DNAJB6: variants seen among roughly 807,000 people sequenced by gnomAD.
The protein encoded by DNAJB6 is dnaJ homolog subfamily B member 6.
A neutral mutation model predicts 42.7 loss-of-function variants in DNAJB6; 16 were observed. The ratio of observed to expected loss-of-function variants is 0.37; its 90% CI spans 0.25 to 0.57. DNAJB6 has a LOEUF of 0.57. DNAJB6 is among the 20% of genes least tolerant of loss of function. The probability of loss-of-function intolerance (pLI) is 0.74; values close to 1 mark genes in which losing one functional copy is unlikely to be tolerated. For synonymous variants in DNAJB6, 170 were observed against 163.5 expected, an observed-to-expected ratio of 1.04 and a Z score of -0.30; for missense variants, 347 against 416.8, an observed-to-expected ratio of 0.83 and a Z score of 1.46.
chr7:157,409,184 A>G (rs1031418856), intron 8 of DNAJB6, among the ~76,000 whole-genome samples: 2 of 152,032 alleles, frequency 1.3e-5, no homozygotes, highest in Non-Finnish European at 1.5e-5. Flanking sequence ...CTGTATTTCA[A>G]AGATTAATAA....
chr7:157,402,652 G>A (rs1795577244), intron 8 of DNAJB6, among the ~76,000 whole-genome samples: 1 of 152,256 alleles, frequency 6.6e-6, no homozygotes, highest in Admixed American at 6.5e-5. Context: ...AGGAGAAGTA[G>A]CGATGTGTCT....
At chr7:157,402,500 T>C (rs1363361339) in intron 8 of DNAJB6, among the ~76,000 whole-genome samples, 1 of 152,196 alleles carries the variant, frequency 6.6e-6, no homozygotes, top group Non-Finnish European at 1.5e-5. Flanking sequence ...ATGTGTGCTT[T>C]GAGTCTGGCG....
At chr7:157,351,185 C>T (rs1033051536) in intron 1 of DNAJB6, among the ~76,000 whole-genome samples, 3 of 152,010 alleles carry the variant, frequency 2.0e-5, no homozygotes, top group South Asian at 2.1e-4. Context: ...CCGCCCCCCT[C>T]AGCCTGAGCC....
intron 1 of DNAJB6, among the ~76,000 whole-genome samples, chr7:157,355,936 G>A (rs565694269): frequency 1.3e-5 from 2 of 152,322 alleles, no homozygotes; most frequent in East Asian, 1.9e-4. Context: ...CCACACCCAC[G>A]TTCTCACCTC....
intron 8 of DNAJB6, among the ~76,000 whole-genome samples, chr7:157,399,294 G>C (rs78114073): frequency 0.012 from 1,807 of 152,302 alleles, 31 homozygotes; most frequent in East Asian, 0.063. Flanking sequence ...TGCCTAGAAG[G>C]GAGGTCTTTC....
At chr7:157,406,267 G>A (rs2117197103) in intron 8 of DNAJB6, among the ~76,000 whole-genome samples, 1 of 152,358 alleles carries the variant, frequency 6.6e-6, no homozygotes, top group South Asian at 2.1e-4. Flanking sequence ...GACTCCCCAG[G>A]TGATGCCAGG....
intron 8 of DNAJB6, among the ~76,000 whole-genome samples, chr7:157,400,375 T>TAGGGAGGTCTGAGCACGG (rs1554467485): frequency 5.3e-5 from 8 of 152,016 alleles, no homozygotes; most frequent in South Asian, 4.1e-4. Context: ...CGCTCGTGTG[T>TAGGGAGGTCTGAGCACGG]GGTGTGCCGT....
chr7:157,407,443 T>A (rs998509325), intron 8 of DNAJB6, among the ~76,000 whole-genome samples: 3 of 152,222 alleles, frequency 2.0e-5, no homozygotes, highest in Non-Finnish European at 2.9e-5. Context: ...TGTTCTACTT[T>A]AGTTGGCAAA....
chr7:157,387,351 A>G (rs1304279921), intron 8 of DNAJB6, among the ~76,000 whole-genome samples: 3 of 152,206 alleles, frequency 2.0e-5, no homozygotes, highest in Non-Finnish European at 2.9e-5. Flanking sequence ...GTATGCAGCC[A>G]TGGCACGTGC....
intron 1 of DNAJB6, chr7:157,340,045 G>C (rs896937452): frequency 6.6e-6 from 1 of 152,214 alleles, no homozygotes; most frequent in Non-Finnish European, 1.5e-5. Context: ...CCTTACTGTC[G>C]TCTGCTGTAA....
intron 1 of DNAJB6, among the ~76,000 whole-genome samples, chr7:157,344,807 T>C (rs67509428): frequency 0.43 from 64,699 of 151,350 alleles, 15,207 homozygotes; most frequent in East Asian, 0.62. Flanking sequence ...GAGACAAGAT[T>C]TTGCTGTGTT....
intron 3 of DNAJB6, 45 bp from the exon 4 acceptor site, chr7:157,366,457 G>T (rs1288640618): frequency 6.4e-7 from 1 of 1,561,436 alleles, no homozygotes; most frequent in Non-Finnish European, 8.8e-7. Flanking sequence ...TGAATTAAGG[G>T]TTTAAAAGGA....
intron 1 of DNAJB6, among the ~76,000 whole-genome samples, chr7:157,357,020 C>T (rs1203828338): frequency 6.7e-6 from 1 of 149,254 alleles, no homozygotes; most frequent in Non-Finnish European, 1.5e-5. Flanking sequence ...GTTTTAGGTC[C>T]AGGTTTGGTG....
chr7:157,399,651 CTATA>C (rs1232297363), intron 8 of DNAJB6, among the ~76,000 whole-genome samples: 2 of 151,968 alleles, frequency 1.3e-5, no homozygotes, highest in African/African-American at 2.4e-5. Flanking sequence ...GACTATATAT[CTATA>C]TATCTCTCTC....
chr7:157,402,288 G>C (rs1054443593), intron 8 of DNAJB6, among the ~76,000 whole-genome samples: 1 of 152,230 alleles, frequency 6.6e-6, no homozygotes, highest in African/African-American at 2.4e-5. Context: ...GGGGACTGTG[G>C]AAGCACAGGG....
At chr7:157,366,103 A>G (rs1057263418) in intron 3 of DNAJB6, among the ~76,000 whole-genome samples, 4 of 151,820 alleles carry the variant, frequency 2.6e-5, no homozygotes, top group African/African-American at 9.7e-5. Flanking sequence ...AGTGCCTGCC[A>G]CCACGCCTGG....
intron 1 of DNAJB6, among the ~76,000 whole-genome samples, chr7:157,353,262 C>T (rs1027630483): frequency 1.3e-5 from 2 of 150,332 alleles, no homozygotes; most frequent in Admixed American, 6.8e-5. Flanking sequence ...ATGTACACTT[C>T]GTCTTTTTGA....
intron 1 of DNAJB6, among the ~76,000 whole-genome samples, chr7:157,342,539 G>A (rs1798454376): frequency 6.6e-6 from 1 of 151,850 alleles, no homozygotes; most frequent in Non-Finnish European, 1.5e-5. Flanking sequence ...GTTTTGCCCT[G>A]TCCAACTCCT....
intron 3 of DNAJB6, among the ~76,000 whole-genome samples, chr7:157,364,994 C>T (rs59763466): frequency 1.3e-5 from 2 of 152,228 alleles, no homozygotes; most frequent in Non-Finnish European, 2.9e-5. Flanking sequence ...CTCTGTTGCC[C>T]AGGCTGGAAT....
Sources: allele counts gnomAD v4.1 joint callset (sites outside exome capture counted in the v4.1 genomes callset), GRCh38; gene constraint gnomAD v4.1.1; transcripts MANE v1.5; gene names NCBI Gene and HGNC (gene_info 2026-07-23, HGNC 2026-07-21).